The following PDPK1 variants were observed in gnomAD, a reference collection of about 807,000 sequenced individuals.
The protein encoded by PDPK1 is 3-phosphoinositide dependent protein kinase 1.
In PDPK1, 7 loss-of-function variants were observed where a neutral mutation model predicts 39.8. The observed-to-expected ratio is 0.18, with a 90% CI of 0.10 to 0.33. The LOEUF (loss-of-function observed/expected upper bound fraction) is 0.33. PDPK1 is among the 10% of genes least tolerant of loss of function. The probability of loss-of-function intolerance (pLI) is 1.00; values close to 1 mark genes in which losing one functional copy is unlikely to be tolerated. For missense variants in PDPK1, 182 were observed against 384.7 expected (o/e 0.47, Z 4.41); for synonymous variants, 118 against 159.1 (o/e 0.74, Z 1.95).
Position 2,598,278 on chromosome 16 carries a change from C to G in PDPK1, c.*511C>G, listed in dbSNP as rs904342906. ...GCCGCAGCTTTGTGGAGGGAGCCGC[C>G]GTGCTTCTGTCACCTGCTCCCTTTC... is the stretch of plus-strand genomic sequence containing the variant. On this transcript the variant is annotated 3_prime_UTR_variant, in exon 14 of 14. Transcript: ENST00000342085. 1 of 229,556 alleles carries G rather than the reference C, an allele frequency of 4.4e-6. No homozygotes were observed. Among genetic ancestry groups the G allele is most frequent in the Non-Finnish European group, 8.4e-6 (1 of 118,556 alleles). 14.2% of individuals were successfully genotyped at this position (229,556 alleles called of 1,614,324 possible). A position where few individuals can be genotyped will look rare whatever the true frequency, so the allele number is the denominator to read the frequency against.
rs541620379 is a variant in PDPK1 at position 2,593,348 on chromosome 16, G to A, written c.1344-2445G>A. 3.8e-5 allele frequency: 13 copies of A among 337,856 alleles called. No homozygotes were observed. The highest frequency in any genetic ancestry group is 8.7e-5 in the East Asian group (1 of 11,518). 20.9% of individuals were successfully genotyped at this position (337,856 alleles called of 1,614,324 possible). On this transcript the variant is annotated intron_variant, in intron 11 of 13. Coordinates refer to ENST00000342085, the MANE Select transcript of PDPK1 (RefSeq NM_002613.5). This position sits in a 1 kb window ranked among gnomAD's most constrained non-coding sequence, Gnocchi z 4.2. ...TGGGGTGCAGCTGATGGCCCATGGC[G>A]GCTGTATCTGGAAGTCCTTTCCCGC... is the stretch of plus-strand genomic sequence containing the variant.
chr16:2,584,340 A>AC, intron 10 of PDPK1, among the ~76,000 whole-genome samples: 2 of 144,326 alleles, frequency 1.4e-5, no homozygotes, highest in Non-Finnish European at 3.1e-5. Context: ...CCGTGTACGG[A>AC]GTTCCACTTT....
chr16:2,538,907 C>T (rs2066190145), intron 1 of PDPK1: 3 of 526,364 alleles, frequency 5.7e-6, no homozygotes, highest in Non-Finnish European at 9.0e-6. Context: ...TTTCCATATG[C>T]TAAGTTCTAC....
chr16:2,596,720 T>A (rs916400826), intron 12 of PDPK1, among the ~76,000 whole-genome samples: 5 of 152,214 alleles, frequency 3.3e-5, no homozygotes, highest in Non-Finnish European at 7.3e-5. Flanking sequence ...TTAGAAAATA[T>A]TCAGCTCCAG....
At chr16:2,546,248 TAA>T (rs2066343750) in intron 1 of PDPK1, among the ~76,000 whole-genome samples, 1 of 151,132 alleles carries the variant, frequency 6.6e-6, no homozygotes, top group Non-Finnish European at 1.5e-5. Context: ...TGCGCCCGGC[TAA>T]TTTTTGTGTT....
intron 7 of PDPK1, among the ~76,000 whole-genome samples, chr16:2,580,261 T>G (rs1382622583): frequency 2.1e-5 from 3 of 144,436 alleles, no homozygotes; most frequent in African/African-American, 8.0e-5. Flanking sequence ...TCTGTACTGT[T>G]GTGCGTTGAA....
At chr16:2,591,260 A>G (rs893502909) in intron 11 of PDPK1, among the ~76,000 whole-genome samples, 14 of 152,330 alleles carry the variant, frequency 9.2e-5, no homozygotes, top group Admixed American at 7.8e-4. Flanking sequence ...CATTTGATAC[A>G]TAGTGATATC....
At chr16:2,577,133 G>C in intron 6 of PDPK1, 1 of 535,106 alleles carries the variant, frequency 1.9e-6, no homozygotes, top group Non-Finnish European at 3.3e-6. Flanking sequence ...GAGCCAGCCA[G>C]CGCCGTGTCC....
rs990068132 is a variant in PDPK1 at position 2,573,797 on chromosome 16, A to T, written c.710-3628A>T. Reference sequence around the variant, plus strand: ...CCTTTTTTTTCCTTTTTCTGTTTTTATTTTTTTTTTTTTTGAGACGGAATT... The same window carrying T: ...CCTTTTTTTTCCTTTTTCTGTTTTTTTTTTTTTTTTTTTTGAGACGGAATT... On this transcript the variant is annotated intron_variant, in intron 6 of 13. Transcript: ENST00000342085. Among the ~76,000 whole-genome samples the T allele has an allele frequency of 5.2e-4, 53 of 101,240 alleles. 2 individuals carry two copies. Among genetic ancestry groups the T allele is most frequent in the Middle Eastern group, 5.4e-3 (1 of 184 alleles). 66.4% of individuals were successfully genotyped at this position (101,240 alleles called of 152,430 possible). A position where few individuals can be genotyped will look rare whatever the true frequency, so the allele number is the denominator to read the frequency against.
In PDPK1 at chr16:2,597,221, G is replaced by T; in HGVS notation, c.1500G>T (p.Trp500Cys). The part of the protein sequence containing the change: ...VNKVLKGEIP[W>C]SQELRPEAKN... The stretch of plus-strand genomic sequence containing the variant: ...AAGTTCTGAAAGGTGAAATTCCTTG[G>T]TCACAAGAACTTCGACCAGAGGCCA... Residue 500 changes from tryptophan to cysteine, a missense_variant, in exon 13 of 14, where the codon TGG becomes TGT. Trp to Cys is a radical substitution (Grantham distance 215). Around this residue, in one of 5 missense-constraint regions of PDPK1, gnomAD observed 67 missense variants for 87.8 expected, o/e 0.76. Coordinates refer to ENST00000342085, the MANE Select transcript of PDPK1 (RefSeq NM_002613.5). This position sits in a 1 kb window ranked among gnomAD's most constrained non-coding sequence, Gnocchi z 6.3. 6.3e-7 allele frequency: 1 copy of T among 1,597,658 alleles called. No homozygotes were observed. Among genetic ancestry groups the T allele is most frequent in the Non-Finnish European group, 8.6e-7 (1 of 1,166,292 alleles).
Position 2,599,496 on chromosome 16 carries a change from G to T in PDPK1, c.*1729G>T, listed in dbSNP as rs2067170827. 1 of 233,052 alleles carries T rather than the reference G, an allele frequency of 4.3e-6. No individual in the cohort carries two copies. The highest frequency in any genetic ancestry group is 5.6e-5 in the Admixed American group (1 of 17,786). The allele number at this position is 233,052 out of a possible 1,614,324, so 14.4% of individuals were successfully genotyped here. On this transcript the variant is annotated 3_prime_UTR_variant, in exon 14 of 14. Coordinates refer to ENST00000342085, the MANE Select transcript of PDPK1 (RefSeq NM_002613.5). ...GCCTGGGCCTTGGCTGCTGCTGTGT[G>T]AGAGCTGCATGTGAGCCTGTGACCG...
Position 2,586,849 on chromosome 16 carries a change from T to C in PDPK1, c.1299T>C (p.Asp433=), listed in dbSNP as rs145594574. ...SFELDLQFSE[D]EKRLLLEKQA... ...AACTGGACTTACAGTTTTCCGAAGA[T>C]GAGAAGAGGTTGTTGTTGGAGAAGC... The change falls in exon 11 of 14, where the codon GAT becomes GAC. Residue 433 remains aspartate, a synonymous_variant. Coordinates refer to ENST00000342085, the MANE Select transcript of PDPK1 (RefSeq NM_002613.5). 6.8e-6 allele frequency: 11 copies of C among 1,614,092 alleles called. No individual in the cohort carries two copies. The highest frequency in any genetic ancestry group is 5.3e-5 in the African/African-American group (4 of 75,072).
At position 2,601,476 on chromosome 16, in the gene PDPK1, G is replaced by C. The variant is rs1430884261; in HGVS notation, c.*3709G>C. On this transcript the variant is annotated 3_prime_UTR_variant, in exon 14 of 14. Coordinates refer to ENST00000342085, the MANE Select transcript of PDPK1 (RefSeq NM_002613.5). ...GCTTTCAAGCGCTTGGCAGAATCTT[G>C]TACTTCGTGTCCACAATGGTACTGA... The C allele has an allele frequency of 8.5e-6, 2 of 234,384 alleles. No individual in the cohort carries two copies. Among genetic ancestry groups the C allele is most frequent in the Admixed American group, 1.1e-4 (2 of 17,784 alleles). 14.5% of individuals were successfully genotyped at this position (234,384 alleles called of 1,614,324 possible).
At chr16:2,545,420 C>T (rs1037290144) in intron 1 of PDPK1, among the ~76,000 whole-genome samples, 16 of 151,894 alleles carry the variant, frequency 1.1e-4, no homozygotes, top group Non-Finnish European at 2.1e-4. Context: ...CAGCCTTGAA[C>T]TCCCTTGGGC....
intron 1 of PDPK1, chr16:2,538,557 G>A (rs1012149875): frequency 9.0e-7 from 1 of 1,115,454 alleles, no homozygotes; most frequent in Admixed American, 2.3e-5. Flanking sequence ...CCGCCTGCGA[G>A]AGAAGCAGAA....
At chr16:2,544,775 G>T (rs938958377) in intron 1 of PDPK1, among the ~76,000 whole-genome samples, 7 of 151,878 alleles carry the variant, frequency 4.6e-5, no homozygotes. Flanking sequence ...TAGTAGAGAC[G>T]GGGTTTCACC....
chr16:2,585,754 G>C (rs1420026794), intron 10 of PDPK1, among the ~76,000 whole-genome samples: 2 of 152,262 alleles, frequency 1.3e-5, no homozygotes, highest in African/African-American at 4.8e-5. Context: ...AGGCTTTAGG[G>C]CTGTGAGGCG....
chr16:2,542,844 G>A (rs1405473411), intron 1 of PDPK1, among the ~76,000 whole-genome samples: 1 of 151,780 alleles, frequency 6.6e-6, no homozygotes, highest in Non-Finnish European at 1.5e-5. Flanking sequence ...GCGTGTTTGC[G>A]GAGCTGGTGA....
chr16:2,553,178 A>AG (rs1555444890), intron 1 of PDPK1, among the ~76,000 whole-genome samples: 1 of 135,318 alleles, frequency 7.4e-6, no homozygotes. Context: ...TTTAAAAAAA[A>AG]AAAAGAAAAA....
Sources: allele counts gnomAD v4.1 joint callset (sites outside exome capture counted in the v4.1 genomes callset), GRCh38; gene constraint gnomAD v4.1.1; regional missense constraint gnomAD v4.1.1; non-coding constraint Gnocchi (gnomAD v3.1); transcripts MANE v1.5; gene names NCBI Gene and HGNC (gene_info 2026-07-23, HGNC 2026-07-21).